Variants in UMAD1 observed in about 807,000 individuals in gnomAD.
UMAD1 encodes the protein UBAP1-MVB12-associated (UMA) domain containing 1.
UMAD1 carries 8 observed loss-of-function variants against 6.1 expected under a neutral mutation model. The observed-to-expected ratio is 1.30, with a 90% CI of 0.76 to 2.35. UMAD1 has a LOEUF of 2.35. UMAD1 is among the 30% of genes most tolerant of loss of function. UMAD1 has a pLI of 0.00. For missense variants in UMAD1, 130 were observed against 78.4 expected, an observed-to-expected ratio of 1.66 and a Z score of -2.49; for synonymous variants, 56 against 31.4, an observed-to-expected ratio of 1.78 and a Z score of -2.61.
intron 2 of UMAD1, among the ~76,000 whole-genome samples, chr7:7,691,091 G>A (rs1480778833): frequency 6.6e-6 from 1 of 152,166 alleles, no homozygotes; most frequent in Non-Finnish European, 1.5e-5. Flanking sequence ...GAACTGAGCA[G>A]AAGTGTTATG....
intron 2 of UMAD1, among the ~76,000 whole-genome samples, chr7:7,688,850 G>C (rs1207271806): frequency 6.6e-6 from 1 of 152,130 alleles, no homozygotes; most frequent in Admixed American, 6.6e-5. Flanking sequence ...GTAATGACTT[G>C]TAAACCATTT....
chr7:7,876,320 G>C (rs1448478412), intron 3 of UMAD1, among the ~76,000 whole-genome samples: 1 of 152,204 alleles, frequency 6.6e-6, no homozygotes, highest in African/African-American at 2.4e-5. Context: ...ACACGAGCTG[G>C]AGATGAGGGC....
At chr7:7,802,431 C>T (rs1182669237) in intron 3 of UMAD1, among the ~76,000 whole-genome samples, 1 of 151,554 alleles carries the variant, frequency 6.6e-6, no homozygotes, top group Non-Finnish European at 1.5e-5. Flanking sequence ...GTTCCAGCAT[C>T]AAAGTACACT....
intron 2 of UMAD1, among the ~76,000 whole-genome samples, chr7:7,726,980 G>A (rs557939517): frequency 8.5e-5 from 13 of 152,308 alleles, no homozygotes; most frequent in African/African-American, 1.2e-4. Flanking sequence ...TCAGGTCAGC[G>A]GGAAACTACA....
At position 7,751,448 on chromosome 7, in the gene UMAD1, C is replaced by A. The variant is rs187636607; in HGVS notation, c.83-50222C>A. Among the ~76,000 whole-genome samples the A allele has an allele frequency of 5.3e-5, 8 of 152,254 alleles. No homozygotes were observed. The East Asian group carries it at 1.2e-3, about 22-fold the overall frequency. On this transcript the variant is annotated intron_variant, in intron 2 of 3. Coordinates refer to ENST00000682710, the MANE Select transcript of UMAD1 (RefSeq NM_001302348.2). ...ATTTTTGGTTAACTAAGATTTCAACCTGTGTGAATCTCAATTTTGGCAGAA... is the reference window on the plus strand; with the variant it reads ...ATTTTTGGTTAACTAAGATTTCAACATGTGTGAATCTCAATTTTGGCAGAA...
chr7:7,838,925 A>G (rs1583863273), intron 3 of UMAD1, among the ~76,000 whole-genome samples: 1 of 152,224 alleles, frequency 6.6e-6, no homozygotes, highest in East Asian at 1.9e-4. Flanking sequence ...ATTGATCTAT[A>G]TATTTGTCAT....
Position 7,640,782 on chromosome 7 carries a change from C to A in UMAD1, c.-103C>A, listed in dbSNP as rs1784949847. On this transcript the variant is annotated 5_prime_UTR_variant, in exon 1 of 4. Transcript: ENST00000682710. ...GACCCCGGAAGTGGGGTGTGAAGCT[C>A]CGGTGCTGGTGCGGCGGGGGACTGC... 4.5e-6 allele frequency: 1 copy of A among 221,102 alleles called. No homozygotes were observed. The highest frequency in any genetic ancestry group is 9.2e-6 in the Non-Finnish European group (1 of 108,844). The allele number at this position is 221,102 out of a possible 1,614,324, so 13.7% of individuals were successfully genotyped here.
rs565599979 is a variant in UMAD1 at position 7,804,913 on chromosome 7, G to A, written c.156+3170G>A. 1.5e-4 allele frequency among the ~76,000 whole-genome samples: 23 copies of A among 151,972 alleles called. No individual in the cohort carries two copies. The South Asian group carries it at 2.3e-3, about 15-fold the overall frequency. ...GGAGAATTGCTTGAACCTGGGAGGC[G>A]GGGGTTGCAGTGAGCCGAGATCACA... is the stretch of plus-strand genomic sequence containing the variant. On this transcript the variant is annotated intron_variant, in intron 3 of 3. Transcript: ENST00000682710.
At chr7:7,794,879 G>A (rs375084615) in intron 2 of UMAD1, among the ~76,000 whole-genome samples, 4 of 152,242 alleles carry the variant, frequency 2.6e-5, no homozygotes, top group African/African-American at 9.6e-5. Flanking sequence ...GAGACGCTTA[G>A]GATATTCTCT....
intron 3 of UMAD1, among the ~76,000 whole-genome samples, chr7:7,829,610 A>T (rs1014439009): frequency 6.6e-6 from 1 of 152,204 alleles, no homozygotes; most frequent in Non-Finnish European, 1.5e-5. Context: ...CTGAAATAGC[A>T]CTTTATATTT....
chr7:7,791,433 A>C (rs1782564933), intron 2 of UMAD1, among the ~76,000 whole-genome samples: 1 of 152,240 alleles, frequency 6.6e-6, no homozygotes, highest in South Asian at 2.1e-4. Flanking sequence ...AGATATTAAC[A>C]GCAGCAACAA....
At chr7:7,855,355 G>C (rs184666665) in intron 3 of UMAD1, among the ~76,000 whole-genome samples, 3 of 152,262 alleles carry the variant, frequency 2.0e-5, no homozygotes, top group Non-Finnish European at 4.4e-5. Context: ...GCAAACTTCT[G>C]TCTGGACATC....
intron 2 of UMAD1, among the ~76,000 whole-genome samples, chr7:7,772,135 C>T (rs1782114718): frequency 6.6e-6 from 1 of 152,138 alleles, no homozygotes; most frequent in African/African-American, 2.4e-5. Context: ...AGTTTCTTAA[C>T]AAACTTGTGT....
chr7:7,705,500 A>G (rs1224652992), intron 2 of UMAD1, among the ~76,000 whole-genome samples: 1 of 152,170 alleles, frequency 6.6e-6, no homozygotes, highest in African/African-American at 2.4e-5. Flanking sequence ...TCAGTGTGTT[A>G]TTACAAAATG....
chr7:7,800,371 T>C (rs553567101), intron 2 of UMAD1, among the ~76,000 whole-genome samples: 1 of 152,256 alleles, frequency 6.6e-6, no homozygotes, highest in Non-Finnish European at 1.5e-5. Context: ...ATATATAAGC[T>C]ACCAATTTAG....
chr7:7,723,014 A>C (rs191168914), intron 2 of UMAD1, among the ~76,000 whole-genome samples: 1 of 144,916 alleles, frequency 6.9e-6, no homozygotes, highest in East Asian at 2.0e-4. Flanking sequence ...TAAACCCTGC[A>C]CTGCCTGAGG....
intron 2 of UMAD1, among the ~76,000 whole-genome samples, chr7:7,731,362 C>A (rs1583782147): frequency 6.6e-6 from 1 of 151,708 alleles, no homozygotes; most frequent in Admixed American, 6.6e-5. Flanking sequence ...GTAAAGGAAA[C>A]AGGTTAGAGG....
intron 2 of UMAD1, among the ~76,000 whole-genome samples, chr7:7,730,623 C>G (rs189556119): frequency 1.3e-5 from 2 of 152,268 alleles, no homozygotes; most frequent in African/African-American, 4.8e-5. Flanking sequence ...CCTCTCTGCT[C>G]CTGATCTGAG....
chr7:7,728,136 C>T (rs950304590), intron 2 of UMAD1, among the ~76,000 whole-genome samples: 1 of 152,094 alleles, frequency 6.6e-6, no homozygotes, highest in South Asian at 2.1e-4. Context: ...GGTACATGTT[C>T]AGATATGTGT....
Sources: allele counts gnomAD v4.1 joint callset (sites outside exome capture counted in the v4.1 genomes callset), GRCh38; gene constraint gnomAD v4.1.1; transcripts MANE v1.5; gene names NCBI Gene and HGNC (gene_info 2026-07-23, HGNC 2026-07-21).